Variants in OSBPL11 observed in about 807,000 individuals in gnomAD.
The protein encoded by OSBPL11 is oxysterol-binding protein-related protein 11.
Under a neutral mutation model 84.4 loss-of-function variants are expected in OSBPL11, and 33 were observed. The observed-to-expected ratio is 0.39, with a 90% CI of 0.30 to 0.52. The LOEUF (loss-of-function observed/expected upper bound fraction) is 0.52, where lower values mean the gene tolerates loss of function less well. OSBPL11 is among the 20% of genes least tolerant of loss of function. OSBPL11 has a pLI of 0.72. For synonymous variants in OSBPL11, 276 were observed against 310.2 expected (o/e 0.89, Z 1.16); for missense variants, 736 against 901.1 (o/e 0.82, Z 2.35).
chr3:125,555,746 G>A (rs554888482), intron 8 of OSBPL11, among the ~76,000 whole-genome samples: 81 of 152,046 alleles, frequency 5.3e-4, no homozygotes, highest in African/African-American at 1.8e-3. Flanking sequence ...GTGCAGTGGC[G>A]TCATCTCAGC....
At chr3:125,572,053 G>A (rs1197648529) in intron 5 of OSBPL11, among the ~76,000 whole-genome samples, 6 of 152,252 alleles carry the variant, frequency 3.9e-5, no homozygotes, top group African/African-American at 9.6e-5. Flanking sequence ...GCCACGGGGC[G>A]GAGCTGCCCA....
At chr3:125,545,484 C>A (rs1935798762) in intron 10 of OSBPL11, among the ~76,000 whole-genome samples, 1 of 152,150 alleles carries the variant, frequency 6.6e-6, no homozygotes, top group East Asian at 1.9e-4. Context: ...TTCCTAAAAG[C>A]CTTACAAATG....
intron 10 of OSBPL11, among the ~76,000 whole-genome samples, chr3:125,542,246 G>GT (rs1192326572): frequency 1.3e-5 from 2 of 151,914 alleles, no homozygotes; most frequent in Non-Finnish European, 2.9e-5. Context: ...CCAAACTACC[G>GT]TAAGAAAGGT....
At chr3:125,574,167 C>T (rs767908577) in intron 5 of OSBPL11, among the ~76,000 whole-genome samples, 30 of 151,008 alleles carry the variant, frequency 2.0e-4, no homozygotes, top group Non-Finnish European at 4.4e-4. Flanking sequence ...GCATTAATGG[C>T]GTAAAAGCAA....
At chr3:125,594,536 G>C in intron 1 of OSBPL11, 101 bp downstream of exon 1, 1 of 1,387,344 alleles carries the variant, frequency 7.2e-7, no homozygotes, top group South Asian at 1.4e-5. Context: ...CTGGAAGCCA[G>C]TGAAAAAACT....
intron 10 of OSBPL11, among the ~76,000 whole-genome samples, chr3:125,542,482 T>C (rs1001987514): frequency 1.3e-5 from 2 of 151,130 alleles, no homozygotes; most frequent in Non-Finnish European, 2.9e-5. Flanking sequence ...ATTATAGGCA[T>C]GTGCCACCAT....
At chr3:125,578,282 C>T (rs1936362188) in intron 4 of OSBPL11, among the ~76,000 whole-genome samples, 1 of 152,058 alleles carries the variant, frequency 6.6e-6, no homozygotes, top group Admixed American at 6.6e-5. Flanking sequence ...TACAACAAAC[C>T]CCATATTATA....
Position 125,582,958 on chromosome 3 carries a change from T to C in OSBPL11, c.185A>G (p.Tyr62Cys), listed in dbSNP as rs1936450290. The change falls in exon 2 of 13, where the codon TAT becomes TGT. Residue 62 changes from tyrosine to cysteine, a missense_variant. This residue lies in a region of OSBPL11 where 114 missense variants were observed against 104.9 expected (regional missense o/e 1.09). Coordinates refer to ENST00000296220, the MANE Select transcript of OSBPL11 (RefSeq NM_022776.5). ...GTTGGTATACTTCATTAAATAGCCA[T>C]ACACATTTTCCATGTGATCACTATT... ...WQYSDHMENV[Y>C]GYLMKYTNLV... 1 of 1,590,456 alleles carries C rather than the reference T, an allele frequency of 6.3e-7. No homozygotes were observed. Among genetic ancestry groups the C allele is most frequent in the Non-Finnish European group, 8.5e-7 (1 of 1,174,212 alleles).
At chr3:125,581,979 T>C (rs1412668595) in intron 2 of OSBPL11, among the ~76,000 whole-genome samples, 1 of 151,446 alleles carries the variant, frequency 6.6e-6, no homozygotes, top group Non-Finnish European at 1.5e-5. Flanking sequence ...GTCTCAAAAA[T>C]AATTAATTAA....
At chr3:125,567,275 C>A in intron 6 of OSBPL11, 119 bp downstream of exon 6, 1 of 828,440 alleles carries the variant, frequency 1.2e-6, no homozygotes, top group South Asian at 1.8e-5. Context: ...AACCAACAGG[C>A]TCTGGTTTTC....
chr3:125,570,023 T>A (rs1936219811), intron 5 of OSBPL11, among the ~76,000 whole-genome samples: 1 of 152,146 alleles, frequency 6.6e-6, no homozygotes, highest in Non-Finnish European at 1.5e-5. Context: ...TACTTTTCTA[T>A]AGTATGTTAT....
rs1935678074 is a variant in OSBPL11 at position 125,538,613 on chromosome 3, T to C, written c.1862A>G (p.His621Arg). 2 of 1,610,658 alleles carry C rather than the reference T, an allele frequency of 1.2e-6. No homozygotes were observed. The highest frequency in any genetic ancestry group is 1.7e-6 in the Non-Finnish European group (2 of 1,178,800). ...GCATACCACAGTGTTGGTGATGTTG[T>C]GCTTTACTTCAGCTGTAACCCTAGA... ...KLHRVTAEVK[H>R]NITNTVVCRV... The change falls in exon 11 of 13, where the codon CAC (histidine) becomes CGC (arginine). Residue 621 changes from histidine to arginine, a missense_variant. Around this residue, in one of 3 missense-constraint regions of OSBPL11, gnomAD observed 579 missense variants for 717.6 expected, o/e 0.81. Coordinates refer to ENST00000296220, the MANE Select transcript of OSBPL11 (RefSeq NM_022776.5).
At chr3:125,538,343 T>A in intron 11 of OSBPL11, 108 bp downstream of exon 11, 1 of 969,174 alleles carries the variant, frequency 1.0e-6, no homozygotes, top group Non-Finnish European at 1.5e-6. Flanking sequence ...TTTACAAAGC[T>A]GATGCAACCT....
At chr3:125,557,446 A>G (rs536613609) in intron 8 of OSBPL11, among the ~76,000 whole-genome samples, 1 of 152,034 alleles carries the variant, frequency 6.6e-6, no homozygotes, top group Non-Finnish European at 1.5e-5. Flanking sequence ...CAGTGGCGCA[A>G]CCTCAGCTTA....
intron 6 of OSBPL11, among the ~76,000 whole-genome samples, chr3:125,566,743 A>G (rs1936161037): frequency 6.6e-6 from 1 of 152,102 alleles, no homozygotes; most frequent in East Asian, 1.9e-4. Context: ...ATTTCAACAA[A>G]TAGATGTTCT....
chr3:125,579,353 T>C (rs565863284), intron 3 of OSBPL11, among the ~76,000 whole-genome samples: 15 of 152,334 alleles, frequency 9.8e-5, no homozygotes, highest in Admixed American at 3.3e-4. Flanking sequence ...TGATGTATAA[T>C]CAATACTTTC....
At chr3:125,574,650 G>A (rs1158222526) in intron 5 of OSBPL11, among the ~76,000 whole-genome samples, 1 of 152,072 alleles carries the variant, frequency 6.6e-6, no homozygotes, top group East Asian at 1.9e-4. Flanking sequence ...CAAAATTTGA[G>A]CTTTAAAATG....
intron 5 of OSBPL11, among the ~76,000 whole-genome samples, chr3:125,575,691 A>C (rs1580058389): frequency 6.7e-6 from 1 of 149,948 alleles, no homozygotes; most frequent in African/African-American, 2.5e-5. Flanking sequence ...CACCACCCCC[A>C]GCTAAAATTA....
At chr3:125,546,378 G>A (rs781224158) in intron 10 of OSBPL11, among the ~76,000 whole-genome samples, 9 of 151,296 alleles carry the variant, frequency 5.9e-5, no homozygotes, top group Non-Finnish European at 8.8e-5. Flanking sequence ...TTGTCACCCC[G>A]GCTGGAGAGC....
Sources: allele counts gnomAD v4.1 joint callset (sites outside exome capture counted in the v4.1 genomes callset), GRCh38; gene constraint gnomAD v4.1.1; regional missense constraint gnomAD v4.1.1; transcripts MANE v1.5; gene names NCBI Gene and HGNC (gene_info 2026-07-23, HGNC 2026-07-21).